PCSK5: variants seen among roughly 807,000 people sequenced by gnomAD.
PCSK5 encodes the protein proprotein convertase subtilisin/kexin type 5, also known as prohormone convertase 5.
PCSK5 carries 129 observed loss-of-function variants against 233.2 expected under a neutral mutation model. The ratio of observed to expected loss-of-function variants is 0.55; its 90% confidence interval spans 0.48 to 0.64. The LOEUF is 0.64. Ranked by LOEUF, PCSK5 falls within the 30% of genes least tolerant of loss-of-function variation. The pLI is 0.00. For synonymous variants in PCSK5, 825 were observed against 879.2 expected (o/e 0.94, Z 1.09); for missense variants, 2,076 against 2,430.1 (o/e 0.85, Z 3.06).
At chr9:76,067,756 T>C (rs571108663) in intron 5 of PCSK5, among the ~76,000 whole-genome samples, 199 bp from the exon 6 acceptor site, 14 of 152,292 alleles carry the variant, frequency 9.2e-5, no homozygotes, top group Admixed American at 8.5e-4. Flanking sequence ...GAAAAATAAA[T>C]ATGTCAAGAA....
chr9:76,189,369 C>T, intron 19 of PCSK5, 146 bp downstream of exon 19: 1 of 734,242 alleles, frequency 1.4e-6, no homozygotes, highest in Non-Finnish European at 2.2e-6. Context: ...GAAGCTTTCA[C>T]CCAGCTTATC....
At chr9:76,234,937 C>T (rs62563394) in intron 22 of PCSK5, among the ~76,000 whole-genome samples, 13,887 of 152,146 alleles carry the variant, frequency 0.091, 665 homozygotes, top group South Asian at 0.11. Context: ...ACATCATTTC[C>T]TCAGTGAGGG....
chr9:76,247,342 T>C (rs781112835), intron 24 of PCSK5, among the ~76,000 whole-genome samples: 2 of 152,126 alleles, frequency 1.3e-5, no homozygotes, highest in Non-Finnish European at 2.9e-5. Context: ...AGAGCTCCCA[T>C]ATAAAGGGAG....
At chr9:76,044,305 A>G (rs372930348) in intron 5 of PCSK5, among the ~76,000 whole-genome samples, 4 of 152,208 alleles carry the variant, frequency 2.6e-5, no homozygotes, top group African/African-American at 9.6e-5. Flanking sequence ...ACATTTCCAT[A>G]CTGATTTATG....
chr9:76,293,791 C>T (rs1376812940), intron 25 of PCSK5, among the ~76,000 whole-genome samples: 8 of 152,364 alleles, frequency 5.3e-5, no homozygotes, highest in Non-Finnish European at 1.2e-4. Context: ...CCTGGAAGAA[C>T]ATGCTCCAAT....
chr9:76,165,394 A>T (rs111856390), intron 12 of PCSK5, among the ~76,000 whole-genome samples: 3 of 152,236 alleles, frequency 2.0e-5, no homozygotes, highest in Non-Finnish European at 4.4e-5. Context: ...TTTAGTTGCC[A>T]TAACATCACA....
At position 76,169,856 on chromosome 9, in the gene PCSK5, C is replaced by T. The variant is rs1823256856; in HGVS notation, c.1756+16C>T. 1.4e-5 allele frequency: 23 copies of T among 1,608,624 alleles called. No homozygotes were observed. Among genetic ancestry groups the T allele is most frequent in the Non-Finnish European group, 1.7e-5 (20 of 1,175,170 alleles). On this transcript the variant is annotated intron_variant, in intron 13 of 37. Coordinates refer to ENST00000674117, the MANE Select transcript of PCSK5 (RefSeq NM_001372043.1). ...AAGACTCCAGGTGAGAACTCCCTTT[C>T]TATACATTGTTCTACTGTGTAGAAG...
intron 13 of PCSK5, among the ~76,000 whole-genome samples, chr9:76,173,496 C>CTTTTTTT (rs59248860): frequency 9.8e-5 from 6 of 61,006 alleles, no homozygotes; most frequent in African/African-American, 2.3e-4. Flanking sequence ...GGCACGTTTC[C>CTTTTTTT]TTTTTTTTTT....
At chr9:76,258,914 A>T (rs1460850531) in intron 24 of PCSK5, among the ~76,000 whole-genome samples, 1 of 152,194 alleles carries the variant, frequency 6.6e-6, no homozygotes, top group Non-Finnish European at 1.5e-5. Flanking sequence ...GGCTAATGAC[A>T]GTTACCCAAA....
At chr9:76,003,446 TACAA>T (rs1182825474) in intron 3 of PCSK5, among the ~76,000 whole-genome samples, 2 of 152,238 alleles carry the variant, frequency 1.3e-5, no homozygotes, top group African/African-American at 4.8e-5. Flanking sequence ...ATTTGAAAAA[TACAA>T]ACAAGTTGAA....
chr9:75,892,958 G>T (rs1024331114), intron 1 of PCSK5, among the ~76,000 whole-genome samples: 4 of 152,198 alleles, frequency 2.6e-5, no homozygotes, highest in African/African-American at 9.6e-5. Context: ...ATCTGCGGAA[G>T]ATTTCCATTC....
At chr9:76,322,172 A>C (rs1358840302) in intron 31 of PCSK5, among the ~76,000 whole-genome samples, 2 of 151,976 alleles carry the variant, frequency 1.3e-5, no homozygotes, top group African/African-American at 4.8e-5. Flanking sequence ...CTGGTCTCAA[A>C]CTCCTGACCT....
In PCSK5 at chr9:76,262,857, G is replaced by A. The variant is rs937197369; in HGVS notation, c.3142+22173G>A. 1.1e-4 allele frequency among the ~76,000 whole-genome samples: 17 copies of A among 149,974 alleles called. No individual in the cohort carries two copies. In the South Asian group the frequency reaches 2.0e-3, roughly 18 times the overall value. ...GAACAGGCAACCTACAAAATGGGAG[G>A]AAATTTTCGCAACCTGCTCATCTGA... On this transcript the variant is annotated intron_variant, in intron 24 of 37. Transcript: ENST00000674117.
intron 21 of PCSK5, 73 bp from the exon 22 acceptor site, chr9:76,233,387 C>A (rs1826152724): frequency 1.4e-6 from 2 of 1,444,906 alleles, no homozygotes; most frequent in Non-Finnish European, 9.6e-7. Flanking sequence ...AACATGAATA[C>A]CACATGTTCT....
chr9:76,323,105 C>A lies in PCSK5; in HGVS notation c.4156C>A (p.Arg1386Ser). Residue 1386 changes from arginine to serine, a missense_variant, in exon 32 of 38, where the codon CGT becomes AGT. Coordinates refer to ENST00000674117, the MANE Select transcript of PCSK5 (RefSeq NM_001372043.1). Reference protein sequence around the residue: ...HDDMCHQSCPRGFYADSRHCV... With the variant: ...HDDMCHQSCPSGFYADSRHCV... ...TGATATGTGCCACCAGTCCTGTCCCCGTGGCTTCTATGCAGACTCGCGCCA... is the reference window on the plus strand; with the variant it reads ...TGATATGTGCCACCAGTCCTGTCCCAGTGGCTTCTATGCAGACTCGCGCCA... 4 of 1,611,340 alleles carry A rather than the reference C, an allele frequency of 2.5e-6. No homozygotes were observed. Among genetic ancestry groups the A allele is most frequent in the Non-Finnish European group, 3.4e-6 (4 of 1,179,158 alleles).
chr9:76,038,925 A>G (rs1464724981), intron 5 of PCSK5, among the ~76,000 whole-genome samples: 1 of 152,164 alleles, frequency 6.6e-6, no homozygotes, highest in African/African-American at 2.4e-5. Flanking sequence ...TGTTCAACCA[A>G]CCTTCCTGCA....
intron 30 of PCSK5, among the ~76,000 whole-genome samples, chr9:76,320,748 A>T (rs1829174084): frequency 6.6e-6 from 1 of 151,628 alleles, no homozygotes; most frequent in Admixed American, 6.6e-5. Context: ...TGCTGGGATT[A>T]CAGGCATGAG....
intron 1 of PCSK5, among the ~76,000 whole-genome samples, chr9:75,914,031 G>A (rs991208136): frequency 2.6e-5 from 4 of 152,116 alleles, no homozygotes; most frequent in Admixed American, 6.5e-5. Flanking sequence ...GTTCTTAAAT[G>A]ATTTGTAGTT....
At chr9:76,131,173 C>T (rs958396045) in intron 9 of PCSK5, among the ~76,000 whole-genome samples, 2 of 152,060 alleles carry the variant, frequency 1.3e-5, no homozygotes, top group East Asian at 1.9e-4. Flanking sequence ...TTAGTCTTCA[C>T]GTCTGCATCA....
Sources: gnomAD v4.1 joint callset for allele counts (sites outside exome capture counted in the v4.1 genomes callset) on GRCh38, gnomAD v4.1.1 for gene constraint, MANE v1.5 for transcripts, NCBI Gene and HGNC (gene_info 2026-07-23, HGNC 2026-07-21) for gene names.